SYTL2: variants seen among roughly 807,000 people sequenced by gnomAD.
The protein encoded by SYTL2 is synaptotagmin-like protein 2.
Under a neutral mutation model 198.7 loss-of-function variants are expected in SYTL2, and 165 were observed. The observed-to-expected ratio is 0.83, with a 90% CI of 0.73 to 0.94. The LOEUF is 0.94. Among genes scored for constraint, SYTL2 ranks in the 40% least tolerant of loss-of-function variants. The pLI is 0.00. For missense variants in SYTL2, 2,835 were observed against 2,582.8 expected (o/e 1.10, Z -2.12); for synonymous variants, 966 against 917.7 (o/e 1.05, Z -0.95).
chr11:85,695,320 C>A lies in SYTL2; in HGVS notation c.6595G>T (p.Val2199Leu). The change falls in exon 20 of 20, where the codon GTG (valine) becomes TTG (leucine). Residue 2199 changes from valine to leucine, a missense_variant. By Grantham distance (32) the Val-to-Leu change is conservative. Transcript: ENST00000359152. ...TCTGAAGTAGAGTCCATCCAGTCCA[C>A]TTCAGTCCCATAACTTTTACCTGAA... Reference protein sequence around the residue: ...FGTGKSYGTEVDWMDSTSEEV... With the variant: ...FGTGKSYGTELDWMDSTSEEV... 6.3e-7 allele frequency: 1 copy of A among 1,580,506 alleles called. No individual in the cohort carries two copies. Among genetic ancestry groups the A allele is most frequent in the South Asian group, 1.2e-5 (1 of 86,406 alleles).
Position 85,736,501 on chromosome 11 carries a change from C to A in SYTL2, c.586G>T (p.Asp196Tyr). 6.8e-7 allele frequency: 1 copy of A among 1,476,054 alleles called. No individual in the cohort carries two copies. The allele number at this position is 1,476,054 out of a possible 1,614,324, so 91.4% of individuals were successfully genotyped here. ...RTGLFQTSKE[D>Y]ELSESKEKST... is the part of the protein sequence containing the mutation. Reference sequence around the variant, plus strand: ...TCAAGTTCATAAAAATAATATTTACCCTCTTTTGAAGTCTGAAATAAACCA... The same window carrying A: ...TCAAGTTCATAAAAATAATATTTACACTCTTTTGAAGTCTGAAATAAACCA... The change falls in exon 6 of 20, where the codon GAT (aspartate) becomes TAT (tyrosine). Residue 196 changes from aspartate (D) to tyrosine (Y), a missense_variant and splice_region_variant. Physicochemically the swap from Asp to Tyr is radical, Grantham distance 160. Transcript: ENST00000359152.
At chr11:85,722,442 G>A (rs762722894) in intron 8 of SYTL2, among the ~76,000 whole-genome samples, 8 of 152,024 alleles carry the variant, frequency 5.3e-5, no homozygotes, top group Non-Finnish European at 8.8e-5. Flanking sequence ...CCAAAGTGCT[G>A]GGATTACAGG....
At chr11:85,712,335 A>G (rs2086447363) in intron 12 of SYTL2, among the ~76,000 whole-genome samples, 2 of 152,178 alleles carry the variant, frequency 1.3e-5, no homozygotes, top group Admixed American at 6.5e-5. Context: ...CCTCTATTTT[A>G]GCGCCTACTG....
At position 85,724,309 on chromosome 11, in the gene SYTL2, C is replaced by T; in HGVS notation, c.5049G>A (p.Glu1683=). The T allele has an allele frequency of 6.3e-7, 1 of 1,577,700 alleles. No homozygotes were observed. The highest frequency in any genetic ancestry group is 1.2e-5 in the South Asian group (1 of 83,290). ...IGTIKTVTPP[E]DRDSESGVAG... is the part of the protein sequence containing the mutation. ...CAACCCCACTTTCACTGTCCCTGTC[C>T]TCTGGGGGGGTTACAGTTTTAATGG... The change falls in exon 8 of 20, where the codon GAG becomes GAA. Residue 1683 remains glutamate, a synonymous_variant. Coordinates refer to ENST00000359152, the MANE Select transcript of SYTL2 (RefSeq NM_206927.4).
At chr11:85,792,003 A>G (rs902185034) in intron 1 of SYTL2, among the ~76,000 whole-genome samples, 1 of 152,150 alleles carries the variant, frequency 6.6e-6, no homozygotes, top group Non-Finnish European at 1.5e-5. Context: ...GAACCTATAG[A>G]AAGTATATAA....
chr11:85,850,893 G>A, the SYTL2 span, among the ~76,000 whole-genome samples: 1 of 149,996 alleles, frequency 6.7e-6, no homozygotes, highest in African/African-American at 2.5e-5. Flanking sequence ...GGATGAAATT[G>A]GAAATCATCA....
At chr11:85,747,139 T>C (rs11234398) in intron 3 of SYTL2, among the ~76,000 whole-genome samples, 22 of 152,246 alleles carry the variant, frequency 1.4e-4, no homozygotes, top group African/African-American at 2.9e-4. Context: ...ATGAACTTGA[T>C]AGAATTTTAA....
intron 1 of SYTL2, among the ~76,000 whole-genome samples, chr11:85,798,640 G>GA (rs1441907566): frequency 6.6e-6 from 1 of 152,172 alleles, no homozygotes; most frequent in Non-Finnish European, 1.5e-5. Flanking sequence ...CTCAACAATG[G>GA]AAAAAGGTGC....
intron 1 of SYTL2, among the ~76,000 whole-genome samples, chr11:85,790,964 G>A (rs1159491662): frequency 6.6e-6 from 1 of 151,862 alleles, no homozygotes; most frequent in Admixed American, 6.6e-5. Flanking sequence ...AGGAGTTTGA[G>A]ACCAGCTTGA....
At chr11:85,797,428 G>A (rs1013495212) in intron 1 of SYTL2, among the ~76,000 whole-genome samples, 1 of 151,988 alleles carries the variant, frequency 6.6e-6, no homozygotes, top group African/African-American at 2.4e-5. Context: ...AGGAATTCGA[G>A]ACCAGCCTGG....
At chr11:85,798,410 G>A (rs1443683916) in intron 1 of SYTL2, among the ~76,000 whole-genome samples, 4 of 152,150 alleles carry the variant, frequency 2.6e-5, no homozygotes, top group African/African-American at 9.7e-5. Context: ...CTTATGTAAA[G>A]ACCAATAACT....
chr11:85,736,418 T>G, intron 6 of SYTL2, 83 bp downstream of exon 6: 2 of 706,350 alleles, frequency 2.8e-6, no homozygotes, highest in Non-Finnish European at 4.6e-6. Context: ...TGGAAGTTAT[T>G]TGAGCAAAAG....
At chr11:85,847,426 T>C in the SYTL2 span, among the ~76,000 whole-genome samples, 5 of 152,352 alleles carry the variant, frequency 3.3e-5, no homozygotes, top group Admixed American at 1.3e-4. Context: ...CATTCCTTTT[T>C]TTATTAAGTA....
In SYTL2 at chr11:85,726,325, A is replaced by T. The variant is rs144700046; in HGVS notation, c.3033T>A (p.Asn1011Lys). ...DKNITTTSQK[N>K]SAPFNRQKHK... Reference sequence around the variant, plus strand: ...GTTTCTGCCTATTAAAAGGTGCAGAATTTTTTTGGCTTGTGGTGGTAATAT... The same window carrying T: ...GTTTCTGCCTATTAAAAGGTGCAGATTTTTTTTGGCTTGTGGTGGTAATAT... The change falls in exon 8 of 20, where the codon AAT becomes AAA. Residue 1011 changes from asparagine to lysine, a missense_variant. By Grantham distance (94) the Asn-to-Lys change is moderately conservative. Coordinates refer to ENST00000359152, the MANE Select transcript of SYTL2 (RefSeq NM_206927.4). 2 of 1,614,044 alleles carry T rather than the reference A, an allele frequency of 1.2e-6. No individual in the cohort carries two copies. Among genetic ancestry groups the T allele is most frequent in the Admixed American group, 1.7e-5 (1 of 60,010 alleles).
chr11:85,727,768 A>C lies in SYTL2; in HGVS notation c.1590T>G (p.Ser530=). 6.4e-7 allele frequency: 1 copy of C among 1,570,756 alleles called. No homozygotes were observed. The highest frequency in any genetic ancestry group is 8.6e-7 in the Non-Finnish European group (1 of 1,157,242). The change falls in exon 8 of 20, where the codon TCT becomes TCG. Residue 530 remains serine, a synonymous_variant. Coordinates refer to ENST00000359152, the MANE Select transcript of SYTL2 (RefSeq NM_206927.4). ...FKVLDWFNRS[S]YSDDNKSFLQ... The stretch of plus-strand genomic sequence containing the variant: ...GGAATGACTTATTGTCATCTGAATA[A>C]GAACTTCGGTTAAACCAGTCTAGAA...
the SYTL2 span, among the ~76,000 whole-genome samples, chr11:85,833,082 A>G: frequency 4.9e-3 from 220 of 44,896 alleles, 13 homozygotes; most frequent in East Asian, 8.7e-3. Flanking sequence ...AAAGAAAGAA[A>G]GAAAGAAAGA....
At position 85,714,038 on chromosome 11, in the gene SYTL2, A is replaced by G. The variant is rs529291481; in HGVS notation, c.5625+375T>C. ...TTGATGTGTCATTGTTACTTTATTAACAAACACTTTCAAACTAGTCATGCT... is the reference window on the plus strand; with the variant it reads ...TTGATGTGTCATTGTTACTTTATTAGCAAACACTTTCAAACTAGTCATGCT... On this transcript the variant is annotated intron_variant, in intron 12 of 19. Transcript: ENST00000359152. 3.9e-5 allele frequency among the ~76,000 whole-genome samples: 6 copies of G among 152,362 alleles called. No homozygotes were observed. The South Asian group carries it at 1.2e-3, about 32-fold the overall frequency.
intron 7 of SYTL2, among the ~76,000 whole-genome samples, chr11:85,731,649 A>G (rs2089841595): frequency 6.6e-6 from 1 of 152,228 alleles, no homozygotes; most frequent in Admixed American, 6.5e-5. Context: ...AACCTAGGCA[A>G]TACCACTCAG....
the SYTL2 span, chr11:85,854,182 C>T: frequency 6.6e-6 from 1 of 152,050 alleles, no homozygotes; most frequent in Non-Finnish European, 1.5e-5. Context: ...TTACTTATTT[C>T]TTAAACACCT....
Sources: allele counts gnomAD v4.1 joint callset (sites outside exome capture counted in the v4.1 genomes callset), GRCh38; gene constraint gnomAD v4.1.1; transcripts MANE v1.5; gene names NCBI Gene and HGNC (gene_info 2026-07-23, HGNC 2026-07-21).